The following PIK3C2G variants were observed in gnomAD, a reference collection of about 807,000 sequenced individuals.
PIK3C2G encodes phosphatidylinositol-4-phosphate 3-kinase catalytic subunit type 2 gamma, also known as phosphatidylinositol 3-kinase C2 domain-containing subunit gamma.
PIK3C2G carries 168 observed loss-of-function variants against 181.1 expected under a neutral mutation model. The ratio of observed to expected loss-of-function variants is 0.93; its 90% CI spans 0.82 to 1.05. The LOEUF (loss-of-function observed/expected upper bound fraction) is 1.05, where lower values mean the gene tolerates loss of function less well. Ranked by LOEUF, PIK3C2G falls within the 50% of genes least tolerant of loss-of-function variation. The pLI, the probability that PIK3C2G is intolerant of heterozygous loss-of-function variation, is 0.00. For missense variants in PIK3C2G, 1,869 were observed against 1,732.8 expected, an observed-to-expected ratio of 1.08 and a Z score of -1.40; for synonymous variants, 573 against 592.2, an observed-to-expected ratio of 0.97 and a Z score of 0.47.
intron 18 of PIK3C2G, among the ~76,000 whole-genome samples, chr12:18,434,661 T>C (rs115197524): frequency 0.01 from 1,554 of 152,250 alleles, 28 homozygotes; most frequent in African/African-American, 0.036. Flanking sequence ...TATGTATATA[T>C]ACAGAAGCAA....
intron 14 of PIK3C2G, among the ~76,000 whole-genome samples, chr12:18,389,647 C>G (rs972479726): frequency 6.6e-6 from 1 of 152,032 alleles, no homozygotes; most frequent in Admixed American, 6.6e-5. Context: ...GGGAAGTTTT[C>G]TCTTATAAAA....
intron 18 of PIK3C2G, among the ~76,000 whole-genome samples, chr12:18,452,240 A>C (rs1947403410): frequency 6.6e-6 from 1 of 152,124 alleles, no homozygotes; most frequent in South Asian, 2.1e-4. Flanking sequence ...TTACTGCCTC[A>C]GTTTTAAATT....
chr12:18,614,776 A>G lies in PIK3C2G; in HGVS notation c.4182+5147A>G, dbSNP rs1315199626. Among the ~76,000 whole-genome samples, 11 of 152,062 alleles carry G rather than the reference A, an allele frequency of 7.2e-5. No homozygotes were observed. The East Asian group carries it at 2.1e-3, about 29-fold the overall frequency. ...CAATCTTTCTCTGACCTTCATTTAC[A>G]TGTTTCCAACTGCCTGATGGGCATT... On this transcript the variant is annotated intron_variant, in intron 31 of 32. Transcript: ENST00000538779.
chr12:18,347,149 G>A (rs1939747675), intron 11 of PIK3C2G, among the ~76,000 whole-genome samples: 1 of 151,820 alleles, frequency 6.6e-6, no homozygotes, highest in Admixed American at 6.6e-5. Context: ...GGTTTAAATG[G>A]CTAATGCTAG....
At chr12:18,416,080 A>G (rs1050890138) in intron 16 of PIK3C2G, among the ~76,000 whole-genome samples, 3 of 152,106 alleles carry the variant, frequency 2.0e-5, no homozygotes, top group African/African-American at 7.2e-5. Context: ...CCCCGTCTCT[A>G]CTGAAAATAC....
At chr12:18,639,560 G>C (rs1383189542) in intron 31 of PIK3C2G, among the ~76,000 whole-genome samples, 1 of 152,046 alleles carries the variant, frequency 6.6e-6, no homozygotes, top group East Asian at 1.9e-4. Context: ...TCTACAGTTG[G>C]TCAAGATCAC....
At chr12:18,650,278 G>C (rs931964672), downstream of PIK3C2G, among the ~76,000 whole-genome samples, 58 of 140,302 alleles carry the variant, frequency 4.1e-4, no homozygotes, top group Admixed American at 1.0e-3. Context: ...CAAAAAACTT[G>C]AAGCTAACCC....
chr12:18,705,672 C>T, the PIK3C2G span, among the ~76,000 whole-genome samples: 1 of 141,632 alleles, frequency 7.1e-6, no homozygotes, highest in East Asian at 2.2e-4. Context: ...TCGAGGCCAG[C>T]TTGTCCAGCA....
rs374906209 is a variant in PIK3C2G at position 18,421,920 on chromosome 12, TA to T, written c.2409+892del. ...TTATGAATTTCTCTGAAGTTCTCCT[TA>T]AAAAAGAGAGCTGGTTTAGAAATAG... On this transcript the variant is annotated intron_variant, in intron 17 of 32. Coordinates refer to ENST00000538779, the MANE Select transcript of PIK3C2G (RefSeq NM_001288772.2). Among the ~76,000 whole-genome samples the T allele has an allele frequency of 3.7e-3, 562 of 152,138 alleles. 3 individuals carry two copies. Among genetic ancestry groups the T allele is most frequent in the African/African-American group, 0.013 (539 of 41,526 alleles).
intron 12 of PIK3C2G, among the ~76,000 whole-genome samples, chr12:18,368,195 T>C (rs1941777547): frequency 1.3e-5 from 2 of 152,322 alleles, no homozygotes; most frequent in South Asian, 2.1e-4. Context: ...ATTTCATCTG[T>C]CTACAAGGAA....
chr12:18,645,757 A>G (rs1299626779), intron 32 of PIK3C2G, among the ~76,000 whole-genome samples: 1 of 152,196 alleles, frequency 6.6e-6, no homozygotes, highest in African/African-American at 2.4e-5. Context: ...CATTATACAA[A>G]TGAGAAAACA....
At chr12:18,450,071 G>A (rs930993363) in intron 18 of PIK3C2G, among the ~76,000 whole-genome samples, 1 of 152,082 alleles carries the variant, frequency 6.6e-6, no homozygotes, top group Non-Finnish European at 1.5e-5. Flanking sequence ...CCACATAAGT[G>A]TCTTCTGTTG....
intron 29 of PIK3C2G, among the ~76,000 whole-genome samples, chr12:18,585,466 T>C (rs1052656912): frequency 4.6e-5 from 7 of 150,554 alleles, no homozygotes; most frequent in Non-Finnish European, 1.0e-4. Flanking sequence ...CATTACATAA[T>C]GGTAAAGCAT....
intron 18 of PIK3C2G, among the ~76,000 whole-genome samples, chr12:18,426,015 T>C (rs920294876): frequency 2.0e-5 from 3 of 152,232 alleles, no homozygotes; most frequent in Admixed American, 6.5e-5. Flanking sequence ...ATCAAGACCT[T>C]GACTTTGAAT....
intron 14 of PIK3C2G, among the ~76,000 whole-genome samples, chr12:18,388,380 C>G (rs1943313658): frequency 6.6e-6 from 1 of 152,188 alleles, no homozygotes; most frequent in Non-Finnish European, 1.5e-5. Flanking sequence ...AAGCGATTCT[C>G]TCTTGTGCCT....
At chr12:18,408,879 A>T (rs1190272728) in intron 16 of PIK3C2G, among the ~76,000 whole-genome samples, 2 of 152,220 alleles carry the variant, frequency 1.3e-5, no homozygotes, top group Non-Finnish European at 2.9e-5. Flanking sequence ...AATGGCGATC[A>T]TTAAAAAGTC....
At chr12:18,376,481 G>C (rs886954211) in intron 13 of PIK3C2G, among the ~76,000 whole-genome samples, 2 of 152,158 alleles carry the variant, frequency 1.3e-5, no homozygotes, top group East Asian at 1.9e-4. Context: ...TGAAAGAACT[G>C]ATCTCCAGAT....
intron 18 of PIK3C2G, among the ~76,000 whole-genome samples, chr12:18,433,878 C>T (rs565459496): frequency 2.0e-5 from 3 of 152,182 alleles, no homozygotes; most frequent in African/African-American, 7.2e-5. Flanking sequence ...AGGGTACAGG[C>T]CTGAAGGACA....
At position 18,647,977 on chromosome 12, in the gene PIK3C2G, T is replaced by A; in HGVS notation, c.4410T>A (p.Ser1470Arg). The A allele has an allele frequency of 1.3e-6, 2 of 1,599,430 alleles. No homozygotes were observed. The highest frequency in any genetic ancestry group is 1.3e-5 in the African/African-American group (1 of 74,546). The change falls in exon 33 of 33, where the codon AGT (serine) becomes AGA (arginine). Residue 1470 changes from serine to arginine, a missense_variant. By Grantham distance (110) the Ser-to-Arg change is moderately radical. Transcript: ENST00000538779. ...GAGCAATTAACATCCGACTCTGTAGTGTCCCACTCGATAAAGAAAAATGGT... is the reference window on the plus strand; with the variant it reads ...GAGCAATTAACATCCGACTCTGTAGAGTCCCACTCGATAAAGAAAAATGGT... ...FVGAINIRLC[S>R]VPLDKEKWYP...
Sources: allele counts gnomAD v4.1 joint callset (sites outside exome capture counted in the v4.1 genomes callset), GRCh38; gene constraint gnomAD v4.1.1; transcripts MANE v1.5; gene names NCBI Gene and HGNC (gene_info 2026-07-23, HGNC 2026-07-21).